VPS13B: variants seen among roughly 807,000 people sequenced by gnomAD.
VPS13B encodes the protein vacuolar protein sorting 13 homolog B.
Under a neutral mutation model 426.4 loss-of-function variants are expected in VPS13B, and 285 were observed. The ratio of observed to expected loss-of-function variants is 0.67; its 90% CI spans 0.61 to 0.74. The LOEUF (loss-of-function observed/expected upper bound fraction) is 0.74, where lower values mean the gene tolerates loss of function less well. VPS13B is among the 30% of genes least tolerant of loss of function. The pLI is 0.00. For synonymous variants in VPS13B, 1,676 were observed against 1,676.4 expected (o/e 1.00, Z 0.01); for missense variants, 4,537 against 4,782.6 (o/e 0.95, Z 1.51).
At chr8:99,407,284 A>G (rs1056206660) in intron 21 of VPS13B, among the ~76,000 whole-genome samples, 1 of 152,282 alleles carries the variant, frequency 6.6e-6, no homozygotes, top group East Asian at 1.9e-4. Context: ...TAAAAAAGGT[A>G]TATGTAAATT....
chr8:99,324,069 T>C (rs774726234), intron 19 of VPS13B, among the ~76,000 whole-genome samples: 37 of 152,196 alleles, frequency 2.4e-4, no homozygotes, highest in Non-Finnish European at 5.4e-4. Context: ...ACTCCATGAT[T>C]CTTGCGGGAG....
chr8:99,746,876 T>A (rs1245916817), intron 39 of VPS13B, among the ~76,000 whole-genome samples: 1 of 152,116 alleles, frequency 6.6e-6, no homozygotes, highest in Non-Finnish European at 1.5e-5. Context: ...TCTGGACCAT[T>A]GGAGCCTAGC....
chr8:99,490,463 T>G (rs1230451717), intron 25 of VPS13B, among the ~76,000 whole-genome samples: 1 of 152,206 alleles, frequency 6.6e-6, no homozygotes, highest in African/African-American at 2.4e-5. Context: ...TTGGAATAGT[T>G]TCAGAAGGAA....
At chr8:99,859,744 A>G (rs767894315) in intron 57 of VPS13B, among the ~76,000 whole-genome samples, 4 of 152,218 alleles carry the variant, frequency 2.6e-5, no homozygotes, top group African/African-American at 7.2e-5. Context: ...GGATTGGCTC[A>G]AATGTTATTT....
At position 99,821,397 on chromosome 8, in the gene VPS13B, G is replaced by A. The variant is rs1353736011; in HGVS notation, c.9098G>A (p.Gly3033Glu). 2 of 1,613,756 alleles carry A rather than the reference G, an allele frequency of 1.2e-6. No individual in the cohort carries two copies. Among genetic ancestry groups the A allele is most frequent in the African/African-American group, 1.3e-5 (1 of 74,900 alleles). The change falls in exon 50 of 62, where the codon GGA (glycine) becomes GAA (glutamate). Residue 3033 changes from glycine (G) to glutamate (E), a missense_variant. Gly to Glu is a moderately conservative substitution (Grantham distance 98). Transcript: ENST00000357162. ...CTGACATCTCCAAAGTGGAAAGATG[G>A]AGGTAATGGTGAAGTTGTGACACTG... ...HNLTSPKWKD[G>E]GNGEVVTLDE... is the part of the protein sequence containing the mutation.
intron 19 of VPS13B, among the ~76,000 whole-genome samples, chr8:99,352,257 T>C (rs756464144): frequency 5.3e-5 from 8 of 152,220 alleles, no homozygotes; most frequent in Non-Finnish European, 1.0e-4. Context: ...TTTCCAATAA[T>C]TTCTAATGTA....
chr8:99,733,658 A>C (rs1006205108), intron 39 of VPS13B, among the ~76,000 whole-genome samples: 8 of 152,116 alleles, frequency 5.3e-5, no homozygotes, highest in African/African-American at 1.7e-4. Context: ...TTACCTCTTT[A>C]TCTGTCCTTT....
At chr8:99,146,570 G>A (rs1810738015) in intron 13 of VPS13B, among the ~76,000 whole-genome samples, 1 of 152,134 alleles carries the variant, frequency 6.6e-6, no homozygotes, top group Non-Finnish European at 1.5e-5. Flanking sequence ...TGGGTTGGCT[G>A]TTTCGTTTTG....
chr8:99,547,309 GAC>G (rs1824036287), intron 30 of VPS13B, among the ~76,000 whole-genome samples: 1 of 150,168 alleles, frequency 6.7e-6, no homozygotes, highest in Non-Finnish European at 1.5e-5. Context: ...GTTTCAGTCT[GAC>G]AGACAATTAT....
intron 33 of VPS13B, among the ~76,000 whole-genome samples, chr8:99,622,819 C>G (rs893447890): frequency 6.6e-6 from 1 of 152,098 alleles, no homozygotes; most frequent in South Asian, 2.1e-4. Context: ...GACGTTGTAT[C>G]TAATCTGTCA....
chr8:99,584,747 A>G (rs1158925221), intron 33 of VPS13B, among the ~76,000 whole-genome samples: 1 of 152,220 alleles, frequency 6.6e-6, no homozygotes, highest in Non-Finnish European at 1.5e-5. Context: ...GGAGAAGTGG[A>G]ATACATAGAA....
At chr8:99,122,949 C>CT (rs1034584005) in intron 8 of VPS13B, among the ~76,000 whole-genome samples, 1 of 148,938 alleles carries the variant, frequency 6.7e-6, no homozygotes, top group African/African-American at 2.5e-5. Flanking sequence ...CCCATCTCTA[C>CT]TAAAAAAAAA....
chr8:99,875,113 A>G (rs571380722), intron 61 of VPS13B: 18 of 396,146 alleles, frequency 4.5e-5, no homozygotes, highest in African/African-American at 3.5e-4. Flanking sequence ...ACAATGACAG[A>G]TGTTTTAATG....
At chr8:99,689,625 C>G (rs758421846) in intron 35 of VPS13B, among the ~76,000 whole-genome samples, 5 of 152,154 alleles carry the variant, frequency 3.3e-5, no homozygotes, top group Non-Finnish European at 7.3e-5. Flanking sequence ...TGAGGCCAAC[C>G]TGGGCAACAT....
At chr8:99,370,605 CTTT>C (rs1047111709) in intron 19 of VPS13B, among the ~76,000 whole-genome samples, 21 of 99,456 alleles carry the variant, frequency 2.1e-4, no homozygotes, top group African/African-American at 7.6e-4. Flanking sequence ...GAGTGAAGGG[CTTT>C]TTTTTTTTTT....
chr8:99,245,690 C>A (rs1373703793), intron 17 of VPS13B, among the ~76,000 whole-genome samples: 1 of 152,140 alleles, frequency 6.6e-6, no homozygotes, highest in Admixed American at 6.5e-5. Context: ...TACAGGCACT[C>A]ACTACTATGT....
At chr8:99,412,288 C>T (rs546009773) in intron 21 of VPS13B, among the ~76,000 whole-genome samples, 1 of 152,294 alleles carries the variant, frequency 6.6e-6, no homozygotes, top group African/African-American at 2.4e-5. Context: ...TCCTTCACAT[C>T]CCTTGTAAGT....
chr8:99,823,979 G>C lies in VPS13B; in HGVS notation c.9330+1G>C, dbSNP rs756013171. ...CTGCAATCCCCATTCTGGAAAGGAGGTAAGCAAATCATAACGATTCTTTTG... is the reference window on the plus strand; with the variant it reads ...CTGCAATCCCCATTCTGGAAAGGAGCTAAGCAAATCATAACGATTCTTTTG... On this transcript the variant is annotated splice_donor_variant, in intron 51 of 61. Transcript: ENST00000357162. LOFTEE classifies it high-confidence loss of function. 6.2e-7 allele frequency: 1 copy of C among 1,611,700 alleles called. No individual in the cohort carries two copies. The highest frequency in any genetic ancestry group is 8.5e-7 in the Non-Finnish European group (1 of 1,179,704).
intron 17 of VPS13B, among the ~76,000 whole-genome samples, chr8:99,251,865 G>T (rs1330575058): frequency 6.6e-6 from 1 of 151,862 alleles, no homozygotes; most frequent in African/African-American, 2.4e-5. Flanking sequence ...CAAATTTTGT[G>T]TGTAGAGTTG....
Sources: gnomAD v4.1 joint callset for allele counts (sites outside exome capture counted in the v4.1 genomes callset) on GRCh38, gnomAD v4.1.1 for gene constraint, MANE v1.5 for transcripts, NCBI Gene and HGNC (gene_info 2026-07-23, HGNC 2026-07-21) for gene names.